The following HDAC9 variants were observed in gnomAD, a reference collection of about 807,000 sequenced individuals.
The protein encoded by HDAC9 is MEF-2 interacting transcription repressor (MITR) protein.
HDAC9 carries 41 observed loss-of-function variants against 139.4 expected under a neutral mutation model. The observed-to-expected ratio is 0.29, with a 90% CI of 0.23 to 0.38. HDAC9 has a LOEUF of 0.38. Ranked by LOEUF, HDAC9 falls within the 10% of genes least tolerant of loss-of-function variation. The pLI, the probability that HDAC9 is intolerant of heterozygous loss-of-function variation, is 1.00. For missense variants in HDAC9, 1,147 were observed against 1,297.0 expected, an observed-to-expected ratio of 0.88 and a Z score of 1.78; for synonymous variants, 517 against 476.2, an observed-to-expected ratio of 1.09 and a Z score of -1.12.
At chr7:18,799,094 C>G (rs1311531652) in intron 17 of HDAC9, among the ~76,000 whole-genome samples, 1 of 148,144 alleles carries the variant, frequency 6.8e-6, no homozygotes, top group Non-Finnish European at 1.5e-5. Flanking sequence ...CACACACACA[C>G]AGAGCCCCTC....
intron 1 of HDAC9, among the ~76,000 whole-genome samples, chr7:18,152,618 A>T (rs1341626950): frequency 6.6e-6 from 1 of 152,096 alleles, no homozygotes; most frequent in Non-Finnish European, 1.5e-5. Context: ...CTTGGACTGT[A>T]CTCTGAGAAA....
chr7:18,997,417 G>A lies in HDAC9; in HGVS notation c.*1355G>A, dbSNP rs1300140995. The A allele has an allele frequency of 6.6e-6, 1 of 151,998 alleles. No homozygotes were observed. Among genetic ancestry groups the A allele is most frequent in the East Asian group, 1.9e-4 (1 of 5,196 alleles). 9.4% of individuals were successfully genotyped at this position (151,998 alleles called of 1,614,324 possible). A position where few individuals can be genotyped will look rare whatever the true frequency, so the allele number is the denominator to read the frequency against. On this transcript the variant is annotated 3_prime_UTR_variant, in exon 26 of 26. Transcript: ENST00000686413. The stretch of plus-strand genomic sequence containing the variant: ...AAAGTAACTTACTAAATATAAGTAG[G>A]TTATCCTCCTACCTCCTAAAATTCG...
chr7:18,581,789 T>C (rs1358139229), intron 2 of HDAC9, among the ~76,000 whole-genome samples: 1 of 152,196 alleles, frequency 6.6e-6, no homozygotes, highest in Non-Finnish European at 1.5e-5. Flanking sequence ...AAGTTCTACA[T>C]TGGGTGCTAC....
At chr7:18,361,481 G>A (rs1297513630) in intron 1 of HDAC9, among the ~76,000 whole-genome samples, 1 of 152,018 alleles carries the variant, frequency 6.6e-6, no homozygotes, top group Non-Finnish European at 1.5e-5. Context: ...ACCTCAAGAA[G>A]ACCTGAAAAC....
At position 18,119,683 on chromosome 7, in the gene HDAC9, A is replaced by G. The variant is rs572076812; in HGVS notation, c.-97+32470A>G. On this transcript the variant is annotated intron_variant, in intron 1 of 12. Coordinates refer to the HDAC9 transcript ENST00000417496. ...TGACTGTCTAATTTGGATTTTCCCA[A>G]TATACCTGTCATGGTAAAGTGAAAT... 5.9e-5 allele frequency among the ~76,000 whole-genome samples: 9 copies of G among 152,308 alleles called. No individual in the cohort carries two copies. The East Asian group carries it at 1.5e-3, about 26-fold the overall frequency.
chr7:18,564,684 C>A (rs1005902807), intron 2 of HDAC9, among the ~76,000 whole-genome samples: 1 of 151,910 alleles, frequency 6.6e-6, no homozygotes, highest in Non-Finnish European at 1.5e-5. Flanking sequence ...GCCTCTATAC[C>A]TATTCCTTTT....
chr7:18,314,417 G>A (rs1799507843), intron 1 of HDAC9, among the ~76,000 whole-genome samples: 1 of 152,212 alleles, frequency 6.6e-6, no homozygotes, highest in Non-Finnish European at 1.5e-5. Flanking sequence ...AATTAGACTG[G>A]ACTTGCAGTG....
intron 2 of HDAC9, among the ~76,000 whole-genome samples, chr7:18,551,396 G>A (rs977323079): frequency 3.9e-5 from 6 of 152,122 alleles, no homozygotes; most frequent in African/African-American, 1.4e-4. Context: ...GAGATTAGAT[G>A]AGGTTACCGA....
At chr7:18,362,682 A>G (rs1783876872) in intron 1 of HDAC9, among the ~76,000 whole-genome samples, 1 of 152,162 alleles carries the variant, frequency 6.6e-6, no homozygotes, top group South Asian at 2.1e-4. Context: ...AAAAGAGTGA[A>G]TGGATTGCTA....
intron 1 of HDAC9, among the ~76,000 whole-genome samples, chr7:18,322,486 A>G (rs1291569562): frequency 6.6e-6 from 1 of 152,242 alleles, no homozygotes; most frequent in Non-Finnish European, 1.5e-5. Context: ...TTCAAGGCTT[A>G]CTTAATGGGA....
chr7:18,860,923 C>T (rs917390087), intron 21 of HDAC9, among the ~76,000 whole-genome samples: 1 of 152,146 alleles, frequency 6.6e-6, no homozygotes, highest in African/African-American at 2.4e-5. Context: ...AGCCTCAGTT[C>T]TCTAGGATGT....
chr7:18,254,266 G>A (rs1300749423), intron 2 of HDAC9, among the ~76,000 whole-genome samples: 12 of 152,134 alleles, frequency 7.9e-5, no homozygotes, highest in Non-Finnish European at 1.8e-4. Context: ...TGGACTAAAT[G>A]GAATAGTGTA....
At chr7:18,830,539 TC>T (rs1371058422) in intron 19 of HDAC9, among the ~76,000 whole-genome samples, 38 of 152,312 alleles carry the variant, frequency 2.5e-4, no homozygotes, top group African/African-American at 8.9e-4. Flanking sequence ...GGCCTCGCCC[TC>T]CAGCCTTCGA....
chr7:18,947,170 G>A (rs1782462595), intron 23 of HDAC9, among the ~76,000 whole-genome samples: 1 of 151,762 alleles, frequency 6.6e-6, no homozygotes, highest in African/African-American at 2.4e-5. Flanking sequence ...TATTAGAAAA[G>A]AAGAAAACTT....
chr7:18,634,917 T>C (rs1584410874), intron 8 of HDAC9, among the ~76,000 whole-genome samples, 175 bp downstream of exon 8: 1 of 152,122 alleles, frequency 6.6e-6, no homozygotes, highest in Non-Finnish European at 1.5e-5. Context: ...CTAACTAATG[T>C]AAATATTATA....
At chr7:18,807,135 G>A (rs1793775032) in intron 17 of HDAC9, among the ~76,000 whole-genome samples, 1 of 152,070 alleles carries the variant, frequency 6.6e-6, no homozygotes, top group Non-Finnish European at 1.5e-5. Flanking sequence ...CCTTGCTGTT[G>A]CCTGCTTCAG....
At chr7:18,189,002 C>T (rs939078860) in intron 2 of HDAC9, among the ~76,000 whole-genome samples, 5 of 152,006 alleles carry the variant, frequency 3.3e-5, no homozygotes, top group Non-Finnish European at 7.4e-5. Context: ...GGTATATGCC[C>T]AAAGGAATAT....
chr7:18,437,529 G>GTA (rs372626726), intron 1 of HDAC9, among the ~76,000 whole-genome samples: 162 of 148,424 alleles, frequency 1.1e-3, no homozygotes, highest in Middle Eastern at 3.5e-3. Flanking sequence ...CAGATAATGT[G>GTA]TATATATATA....
At chr7:18,175,261 A>T (rs1445369172) in intron 2 of HDAC9, among the ~76,000 whole-genome samples, 2 of 152,214 alleles carry the variant, frequency 1.3e-5, no homozygotes, top group Non-Finnish European at 2.9e-5. Context: ...GGACCTGCCA[A>T]GCCAGGAGTG....
Sources: gnomAD v4.1 joint callset for allele counts (sites outside exome capture counted in the v4.1 genomes callset) on GRCh38, gnomAD v4.1.1 for gene constraint, MANE v1.5 for transcripts, NCBI Gene and HGNC (gene_info 2026-07-23, HGNC 2026-07-21) for gene names.